Variants in TP63 observed in about 807,000 individuals in gnomAD.
The protein encoded by TP63 is tumor protein p63.
A neutral mutation model predicts 82.8 loss-of-function variants in TP63; 17 were observed. That is an observed-to-expected ratio of 0.21 (90% CI 0.14 to 0.31). The LOEUF is 0.31. Ranked by LOEUF, TP63 falls within the 10% of genes least tolerant of loss-of-function variation. The pLI, the probability that TP63 is intolerant of heterozygous loss-of-function variation, is 1.00. For synonymous variants in TP63, 330 were observed against 321.7 expected (o/e 1.03, Z -0.28); for missense variants, 648 against 895.3 (o/e 0.72, Z 3.52).
intron 3 of TP63, among the ~76,000 whole-genome samples, chr3:189,768,234 A>G (rs4686528): frequency 0.039 from 5,908 of 152,214 alleles, 216 homozygotes; most frequent in Admixed American, 0.1. Context: ...AGAGCTTACC[A>G]CAATAGCATT....
the TP63 span, among the ~76,000 whole-genome samples, chr3:189,620,322 A>G: frequency 6.6e-6 from 1 of 152,062 alleles, no homozygotes; most frequent in African/African-American, 2.4e-5. Context: ...CAAGAGATCG[A>G]GACCATCCTG....
Position 189,795,617 on chromosome 3 carries a change from A to G in TP63, c.325-12655A>G, listed in dbSNP as rs191658964. On this transcript the variant is annotated intron_variant, in intron 3 of 13. Transcript: ENST00000264731. ...GTGAAGGAACATAGTATATTGATTT[A>G]AAAAGAAAATGTGTTGGTTTAAACA... Among the ~76,000 whole-genome samples, 321 of 152,162 alleles carry G rather than the reference A, an allele frequency of 2.1e-3. 1 individual carries two copies. Among genetic ancestry groups the G allele is most frequent in the Non-Finnish European group, 3.5e-3 (241 of 67,956 alleles).
upstream of TP63, among the ~76,000 whole-genome samples, chr3:189,626,726 A>G (rs188830041): frequency 5.9e-3 from 902 of 152,314 alleles, 5 homozygotes; most frequent in Non-Finnish European, 0.011. Context: ...TAAGCTGAAT[A>G]GCTGAAGTTC....
chr3:189,757,986 A>G (rs1018897328), intron 3 of TP63, among the ~76,000 whole-genome samples: 5 of 152,184 alleles, frequency 3.3e-5, no homozygotes, highest in African/African-American at 1.2e-4. Context: ...TAACTAGTAT[A>G]TGACCTTCTA....
At chr3:189,871,817 A>G (rs1718453348) in intron 9 of TP63, among the ~76,000 whole-genome samples, 1 of 151,844 alleles carries the variant, frequency 6.6e-6, no homozygotes, top group South Asian at 2.1e-4. Flanking sequence ...AGACTCCCAG[A>G]CTCCAGCAAT....
chr3:189,836,587 G>A (rs1713186444), intron 4 of TP63, among the ~76,000 whole-genome samples: 1 of 152,096 alleles, frequency 6.6e-6, no homozygotes, highest in Non-Finnish European at 1.5e-5. Flanking sequence ...ATTTGGTTTT[G>A]GTAATGTCTC....
chr3:189,822,336 A>G (rs374315277), intron 4 of TP63, among the ~76,000 whole-genome samples: 4 of 152,186 alleles, frequency 2.6e-5, no homozygotes, highest in Non-Finnish European at 4.4e-5. Flanking sequence ...GAGGTGATGT[A>G]TTAGGATAGT....
chr3:189,680,759 A>G (rs901914953), intron 1 of TP63, among the ~76,000 whole-genome samples: 6 of 152,158 alleles, frequency 3.9e-5, no homozygotes, highest in African/African-American at 1.4e-4. Context: ...GTATGCTGAC[A>G]TGGACCTGGA....
the TP63 span, among the ~76,000 whole-genome samples, chr3:189,622,872 C>T: frequency 6.6e-6 from 1 of 152,190 alleles, no homozygotes; most frequent in Non-Finnish European, 1.5e-5. Context: ...TGAGATGTTG[C>T]AATGAGATAC....
chr3:189,672,712 G>GGAAGGAAGGAAGGAAGGAAGGAAA (rs1715033109), intron 1 of TP63, among the ~76,000 whole-genome samples: 3 of 139,930 alleles, frequency 2.1e-5, no homozygotes, highest in Non-Finnish European at 4.8e-5. Context: ...AAGGAAAGAA[G>GGAAGGAAGGAAGGAAGGAAGGAAA]GAAGGCAGGC....
chr3:189,639,111 G>T (rs952530245), intron 1 of TP63, among the ~76,000 whole-genome samples: 1 of 152,158 alleles, frequency 6.6e-6, no homozygotes, highest in Non-Finnish European at 1.5e-5. Context: ...GCTCAAATTT[G>T]TCTGGACAGG....
At chr3:189,766,812 CAG>C (rs1257056865) in intron 3 of TP63, among the ~76,000 whole-genome samples, 1 of 152,130 alleles carries the variant, frequency 6.6e-6, no homozygotes, top group African/African-American at 2.4e-5. Flanking sequence ...GTAACAAAAA[CAG>C]AAACAATTAG....
rs376453460 is a variant in TP63 at position 189,737,649 on chromosome 3, G to A, written c.63-91G>A. The A allele has an allele frequency of 1.0e-4, 149 of 1,448,550 alleles. 1 individual carries two copies. The South Asian group carries it at 1.1e-3, about 11-fold the overall frequency. The allele number at this position is 1,448,550 out of a possible 1,614,324, so 89.7% of individuals were successfully genotyped here. A position where few individuals can be genotyped will look rare whatever the true frequency, so the allele number is the denominator to read the frequency against. The stretch of plus-strand genomic sequence containing the variant: ...CCTGCATGGTTTTATAGATTCACTT[G>A]ATGTTTTCATGATAGAGTATGCTTT... On this transcript the variant is annotated intron_variant, in intron 1 of 13. Transcript: ENST00000264731.
chr3:189,757,635 A>C (rs1385234923), intron 3 of TP63, among the ~76,000 whole-genome samples: 1 of 152,192 alleles, frequency 6.6e-6, no homozygotes, highest in Admixed American at 6.5e-5. Context: ...ACAGATTTGT[A>C]TTTTTGTTTT....
intron 3 of TP63, among the ~76,000 whole-genome samples, chr3:189,767,439 C>A (rs910980152): frequency 1.3e-5 from 2 of 152,166 alleles, no homozygotes; most frequent in Non-Finnish European, 2.9e-5. Flanking sequence ...GCAGCGGAAT[C>A]AGGATGCTTT....
chr3:189,860,577 G>A lies in TP63; in HGVS notation c.580-3655G>A, dbSNP rs6783767. 7.8e-3 allele frequency among the ~76,000 whole-genome samples: 1,185 copies of A among 152,294 alleles called. 21 individuals carry two copies. Among genetic ancestry groups the A allele is most frequent in the African/African-American group, 0.027 (1,125 of 41,556 alleles). ...AGCGATTGTGCCAGACCACTTCAGCGCCTCTAGTTGCTGAATTGCAGGACT... is the reference window on the plus strand; with the variant it reads ...AGCGATTGTGCCAGACCACTTCAGCACCTCTAGTTGCTGAATTGCAGGACT... On this transcript the variant is annotated intron_variant, in intron 4 of 13. Coordinates refer to ENST00000264731, the MANE Select transcript of TP63 (RefSeq NM_003722.5).
intron 4 of TP63, among the ~76,000 whole-genome samples, chr3:189,849,558 AAC>A (rs747772162): frequency 1.3e-4 from 19 of 151,960 alleles, no homozygotes; most frequent in African/African-American, 1.7e-4. Flanking sequence ...GAGAGGAAAA[AAC>A]ACAGTTTGAG....
At chr3:189,735,269 A>G (rs1720495218) in intron 1 of TP63, among the ~76,000 whole-genome samples, 1 of 152,098 alleles carries the variant, frequency 6.6e-6, no homozygotes, top group South Asian at 2.1e-4. Context: ...AGGTCGTTTT[A>G]TCCACGCTCA....
chr3:189,726,267 G>A (rs1719774003), intron 1 of TP63, among the ~76,000 whole-genome samples: 1 of 152,140 alleles, frequency 6.6e-6, no homozygotes, highest in Non-Finnish European at 1.5e-5. Flanking sequence ...ACCTTGGTCT[G>A]CTGCTATTGA....
Sources: gnomAD v4.1 joint callset for allele counts (sites outside exome capture counted in the v4.1 genomes callset) on GRCh38, gnomAD v4.1.1 for gene constraint, MANE v1.5 for transcripts, NCBI Gene and HGNC (gene_info 2026-07-23, HGNC 2026-07-21) for gene names.